Variants in NLK observed in about 807,000 individuals in gnomAD.
NLK encodes the protein nemo like kinase.
A neutral mutation model predicts 59.0 loss-of-function variants in NLK; 11 were observed. That is an observed-to-expected ratio of 0.19 (90% confidence interval 0.12 to 0.31). NLK has a LOEUF of 0.31. Among genes scored for constraint, NLK ranks in the 10% least tolerant of loss-of-function variants. The probability of loss-of-function intolerance (pLI) is 1.00; values close to 1 mark genes in which losing one functional copy is unlikely to be tolerated. For missense variants in NLK, 410 were observed against 661.1 expected, an observed-to-expected ratio of 0.62 and a Z score of 4.16; for synonymous variants, 235 against 235.9, an observed-to-expected ratio of 1.00 and a Z score of 0.03.
chr17:28,146,822 G>T (rs1469320296), intron 3 of NLK, among the ~76,000 whole-genome samples: 1 of 152,032 alleles, frequency 6.6e-6, no homozygotes, highest in Non-Finnish European at 1.5e-5. Flanking sequence ...CTAGTGCCAC[G>T]TCCGCTGCAC....
At chr17:28,176,551 G>A (rs1597723599) in intron 7 of NLK, among the ~76,000 whole-genome samples, 1 of 152,240 alleles carries the variant, frequency 6.6e-6, no homozygotes, top group South Asian at 2.1e-4. Flanking sequence ...TAAATAACAT[G>A]CCTAATGTCA....
At chr17:28,140,467 A>G (rs1288498714) in intron 3 of NLK, among the ~76,000 whole-genome samples, 1 of 152,222 alleles carries the variant, frequency 6.6e-6, no homozygotes, top group African/African-American at 2.4e-5. Flanking sequence ...CACCATAACA[A>G]GGACCTGACT....
intron 1 of NLK, among the ~76,000 whole-genome samples, chr17:28,111,943 G>GTGTGTA (rs1382860300): frequency 2.6e-4 from 37 of 141,388 alleles, no homozygotes; most frequent in South Asian, 4.5e-4. Flanking sequence ...GTGTGTGTGT[G>GTGTGTA]TGTATGTGTA....
intron 3 of NLK, among the ~76,000 whole-genome samples, chr17:28,146,727 T>C (rs540056354): frequency 6.6e-6 from 1 of 152,352 alleles, no homozygotes; most frequent in South Asian, 2.1e-4. Context: ...TAGAATTGTT[T>C]TGTTCTTACC....
intron 1 of NLK, among the ~76,000 whole-genome samples, chr17:28,072,821 C>T (rs752098079): frequency 4.6e-5 from 7 of 151,966 alleles, no homozygotes; most frequent in Admixed American, 6.6e-5. Context: ...TTCTGTCATA[C>T]TTGTTCCCCC....
At chr17:28,099,046 T>C (rs906509254) in intron 1 of NLK, among the ~76,000 whole-genome samples, 1 of 152,114 alleles carries the variant, frequency 6.6e-6, no homozygotes, top group African/African-American at 2.4e-5. Flanking sequence ...TTTCCAGAAG[T>C]AGAATTTTGG....
At chr17:28,106,385 C>A (rs1905081239) in intron 1 of NLK, among the ~76,000 whole-genome samples, 1 of 152,092 alleles carries the variant, frequency 6.6e-6, no homozygotes, top group African/African-American at 2.4e-5. Flanking sequence ...TGAGGTATAT[C>A]TTATATACTG....
intron 1 of NLK, among the ~76,000 whole-genome samples, chr17:28,108,031 T>A (rs1449185583): frequency 6.6e-6 from 1 of 152,068 alleles, no homozygotes; most frequent in Non-Finnish European, 1.5e-5. Context: ...GTCAGGAGTT[T>A]GAGCCCAGCC....
At chr17:28,077,033 T>C (rs1597666819) in intron 1 of NLK, among the ~76,000 whole-genome samples, 1 of 151,834 alleles carries the variant, frequency 6.6e-6, no homozygotes, top group Non-Finnish European at 1.5e-5. Flanking sequence ...CGTGTCCCTT[T>C]TACTTTTTCC....
At chr17:28,192,523 C>G (rs1471711377) in intron 10 of NLK, among the ~76,000 whole-genome samples, 1 of 152,046 alleles carries the variant, frequency 6.6e-6, no homozygotes, top group Non-Finnish European at 1.5e-5. Flanking sequence ...ACAAAATTAG[C>G]CAGGCATGGT....
rs199980287 is a variant in NLK, at chr17:28,132,718, A to C, written c.644+43A>C. The C allele has an allele frequency of 9.4e-4, 1,412 of 1,509,740 alleles. 1 individual carries two copies. The highest frequency in any genetic ancestry group is 4.8e-3 in the Middle Eastern group (28 of 5,856). 93.5% of individuals were successfully genotyped at this position (1,509,740 alleles called of 1,614,324 possible). On this transcript the variant is annotated intron_variant, in intron 3 of 10. Transcript: ENST00000407008. ...TGTGAAAGAAGGGGACAATTTTTAAAATTAATTTGTTCTTCTAGCACCTTT... is the reference window on the plus strand; with the variant it reads ...TGTGAAAGAAGGGGACAATTTTTAACATTAATTTGTTCTTCTAGCACCTTT...
intron 1 of NLK, among the ~76,000 whole-genome samples, chr17:28,050,907 C>G (rs1023095859): frequency 2.0e-5 from 3 of 151,746 alleles, no homozygotes; most frequent in African/African-American, 7.3e-5. Flanking sequence ...GAGTTCGAGA[C>G]CAGCCTGGAC....
At chr17:28,045,606 TC>T (rs1449679566) in intron 1 of NLK, among the ~76,000 whole-genome samples, 1 of 152,192 alleles carries the variant, frequency 6.6e-6, no homozygotes, top group Non-Finnish European at 1.5e-5. Flanking sequence ...AGGAAAGAGT[TC>T]CAGGTGTATG....
At chr17:28,202,556 T>TA in the NLK span, among the ~76,000 whole-genome samples, 2 of 152,174 alleles carry the variant, frequency 1.3e-5, no homozygotes, top group African/African-American at 4.8e-5. Flanking sequence ...TTTTTTTCCT[T>TA]AAAATACCTT....
At chr17:28,143,305 G>A (rs2142031325) in intron 3 of NLK, among the ~76,000 whole-genome samples, 1 of 152,198 alleles carries the variant, frequency 6.6e-6, no homozygotes, top group South Asian at 2.1e-4. Context: ...GCCTCCCAAA[G>A]TGCTGGAATT....
chr17:28,169,206 C>G (rs1322415553), intron 6 of NLK, among the ~76,000 whole-genome samples: 1 of 152,196 alleles, frequency 6.6e-6, no homozygotes, highest in Non-Finnish European at 1.5e-5. Flanking sequence ...ATTATATGCA[C>G]TGATGCATAG....
At chr17:28,053,405 A>G (rs186021935) in intron 1 of NLK, among the ~76,000 whole-genome samples, 1 of 152,280 alleles carries the variant, frequency 6.6e-6, no homozygotes, top group African/African-American at 2.4e-5. Flanking sequence ...TTGTTTGCCT[A>G]AAGTAGCAGA....
Position 28,126,789 on chromosome 17 carries a change from A to T in NLK, c.588+4057A>T, listed in dbSNP as rs1364578201. 2.0e-5 allele frequency among the ~76,000 whole-genome samples: 3 copies of T among 152,168 alleles called. No individual in the cohort carries two copies. The East Asian group carries it at 5.8e-4, about 29-fold the overall frequency. On this transcript the variant is annotated intron_variant, in intron 2 of 10. Coordinates refer to ENST00000407008, the MANE Select transcript of NLK (RefSeq NM_016231.5). ...CAGAAATGGGTTTAGCTTTCTAAAA[A>T]TTGGTGTTTAGGCTTATTACTAGTA...
At chr17:28,065,071 G>A (rs887783129) in intron 1 of NLK, among the ~76,000 whole-genome samples, 3 of 151,898 alleles carry the variant, frequency 2.0e-5, no homozygotes, top group African/African-American at 4.8e-5. Flanking sequence ...ATTCCTACCC[G>A]GGAGAAACTT....
Sources: allele counts gnomAD v4.1 joint callset (sites outside exome capture counted in the v4.1 genomes callset), GRCh38; gene constraint gnomAD v4.1.1; transcripts MANE v1.5; gene names NCBI Gene and HGNC (gene_info 2026-07-23, HGNC 2026-07-21).